Variants in PTPRD observed in about 807,000 individuals in gnomAD.
The protein encoded by PTPRD is receptor-type tyrosine-protein phosphatase delta.
In PTPRD, 34 loss-of-function variants were observed where a neutral mutation model predicts 214.5. That is an observed-to-expected ratio of 0.16 (90% CI 0.12 to 0.21). PTPRD has a LOEUF of 0.21. Among genes scored for constraint, PTPRD ranks in the 10% least tolerant of loss-of-function variants. The probability of loss-of-function intolerance (pLI) is 1.00; values close to 1 mark genes in which losing one functional copy is unlikely to be tolerated. For missense variants in PTPRD, 2,545 were observed against 2,398.7 expected, an observed-to-expected ratio of 1.06 and a Z score of -1.27; for synonymous variants, 1,128 against 845.7, an observed-to-expected ratio of 1.33 and a Z score of -5.79.
chr9:9,085,212 C>T (rs999772160), intron 10 of PTPRD, among the ~76,000 whole-genome samples: 2 of 152,028 alleles, frequency 1.3e-5, no homozygotes, highest in Admixed American at 6.6e-5. Flanking sequence ...AAGATCAAGA[C>T]TGAAAAGAAA....
At chr9:10,205,795 T>TA (rs1230651611) in intron 3 of PTPRD, among the ~76,000 whole-genome samples, 3 of 152,204 alleles carry the variant, frequency 2.0e-5, no homozygotes, top group Non-Finnish European at 4.4e-5. Flanking sequence ...TCAACTATTT[T>TA]ATAATAATTT....
At chr9:10,398,491 T>C (rs2098214513) in intron 2 of PTPRD, among the ~76,000 whole-genome samples, 1 of 151,952 alleles carries the variant, frequency 6.6e-6, no homozygotes. Context: ...TGCTAATCTT[T>C]CTAGTGAATT....
Position 10,567,566 on chromosome 9 carries a change from T to G in PTPRD, c.-600+44832A>C, listed in dbSNP as rs538065477. Among the ~76,000 whole-genome samples, 8 of 152,212 alleles carry G rather than the reference T, an allele frequency of 5.3e-5. No homozygotes were observed. The East Asian group carries it at 9.6e-4, about 18-fold the overall frequency. On this transcript the variant is annotated intron_variant, in intron 2 of 45. Coordinates refer to ENST00000381196, the MANE Select transcript of PTPRD (RefSeq NM_002839.4). ...GGGTGCTTATAGCCCTACCCTTTTG[T>G]TTTTCCTTGATATCCATGAGTTGGT...
rs187368632 is a variant in PTPRD at position 8,456,867 on chromosome 9, T to C, written c.3875+3544A>G. On this transcript the variant is annotated intron_variant, in intron 33 of 45. Coordinates refer to ENST00000381196, the MANE Select transcript of PTPRD (RefSeq NM_002839.4). ...CTGATCTACACTTTCTTTGATTCCA[T>C]AGTATGTAATAAACACTTTTTATCC... Among the ~76,000 whole-genome samples the C allele has an allele frequency of 1.8e-3, 273 of 152,284 alleles. 1 individual carries two copies. Among genetic ancestry groups the C allele is most frequent in the African/African-American group, 6.4e-3 (268 of 41,572 alleles).
rs2139077055 is a variant in PTPRD, at chr9:8,523,534, G to A, written c.680-10C>T. ...CAACCTTCTCGCAGCTCTGAGGGAT[G>A]TAGGGGGTTTGATGCAGAACACAAT... On this transcript the variant is annotated splice_polypyrimidine_tract_variant and intron_variant, in intron 18 of 45. Transcript: ENST00000381196. The A allele has an allele frequency of 1.9e-6, 3 of 1,613,216 alleles. No homozygotes were observed. Among genetic ancestry groups the A allele is most frequent in the Non-Finnish European group, 2.5e-6 (3 of 1,179,464 alleles).
chr9:8,571,990 C>A (rs916200255), intron 14 of PTPRD, among the ~76,000 whole-genome samples: 8 of 151,944 alleles, frequency 5.3e-5, no homozygotes, highest in Admixed American at 2.6e-4. Flanking sequence ...TTGGTGGATG[C>A]GGAAGTAATG....
intron 12 of PTPRD, among the ~76,000 whole-genome samples, chr9:8,691,703 G>C (rs1346017800): frequency 6.6e-6 from 1 of 152,172 alleles, no homozygotes; most frequent in African/African-American, 2.4e-5. Flanking sequence ...TTTTACCTCA[G>C]TACTTGCCAG....
At chr9:10,269,518 T>A (rs933210482) in intron 3 of PTPRD, among the ~76,000 whole-genome samples, 1 of 152,188 alleles carries the variant, frequency 6.6e-6, no homozygotes, top group African/African-American at 2.4e-5. Flanking sequence ...ACCCTTTGAT[T>A]TCTAAGAAAA....
At chr9:9,766,215 A>G (rs1432042793) in intron 6 of PTPRD, among the ~76,000 whole-genome samples, 3 of 152,098 alleles carry the variant, frequency 2.0e-5, no homozygotes, top group African/African-American at 7.2e-5. Flanking sequence ...TCTTTTCAAT[A>G]ATCTTTAATA....
intron 14 of PTPRD, among the ~76,000 whole-genome samples, chr9:8,575,707 A>G (rs2092244133): frequency 6.6e-6 from 1 of 152,218 alleles, no homozygotes. Flanking sequence ...AGAATAATTC[A>G]GAAAGGAAAA....
chr9:9,246,650 C>A (rs917949400), intron 9 of PTPRD, among the ~76,000 whole-genome samples: 15 of 152,110 alleles, frequency 9.9e-5, no homozygotes, highest in African/African-American at 3.6e-4. Context: ...TATGTAACTG[C>A]TCACACCATA....
At chr9:9,547,577 T>C (rs1194880263) in intron 8 of PTPRD, among the ~76,000 whole-genome samples, 1 of 151,974 alleles carries the variant, frequency 6.6e-6, no homozygotes, top group Admixed American at 6.6e-5. Flanking sequence ...CTGACACTCA[T>C]AGTAAAGGCT....
At chr9:10,228,771 T>C (rs368476151) in intron 3 of PTPRD, among the ~76,000 whole-genome samples, 6 of 149,448 alleles carry the variant, frequency 4.0e-5, no homozygotes, top group East Asian at 3.9e-4. Context: ...CATATATGTA[T>C]AAATATGTGA....
At chr9:8,893,286 T>C (rs1439638789) in intron 11 of PTPRD, among the ~76,000 whole-genome samples, 3 of 152,168 alleles carry the variant, frequency 2.0e-5, no homozygotes, top group African/African-American at 7.2e-5. Flanking sequence ...TAGCATTGTA[T>C]TGGGCAGCAG....
chr9:9,524,876 G>C (rs898208602), intron 8 of PTPRD, among the ~76,000 whole-genome samples: 23 of 151,696 alleles, frequency 1.5e-4, no homozygotes, highest in Non-Finnish European at 1.2e-4. Context: ...TTTGTTTGTT[G>C]AGACGGAGTC....
chr9:9,253,741 C>G (rs1371870630), intron 9 of PTPRD, among the ~76,000 whole-genome samples: 1 of 152,124 alleles, frequency 6.6e-6, no homozygotes, highest in East Asian at 1.9e-4. Flanking sequence ...TTGAGCTTCA[C>G]TGATTGCTTG....
chr9:10,317,563 T>A (rs2096465420), intron 3 of PTPRD, among the ~76,000 whole-genome samples: 1 of 152,030 alleles, frequency 6.6e-6, no homozygotes, highest in South Asian at 2.1e-4. Flanking sequence ...GATCTTCAAC[T>A]GCAACTAAAC....
intron 8 of PTPRD, among the ~76,000 whole-genome samples, chr9:9,435,766 T>C (rs1057272813): frequency 2.0e-5 from 3 of 152,172 alleles, no homozygotes; most frequent in African/African-American, 7.2e-5. Flanking sequence ...TGTAATGTCT[T>C]AGTAAGCTTT....
At position 8,315,233 on chromosome 9, in the gene PTPRD, T is replaced by TAAGA. The variant is rs1332218066; in HGVS notation, c.*2637_*2640dup. On this transcript the variant is annotated 3_prime_UTR_variant, in exon 46 of 46. Coordinates refer to ENST00000381196, the MANE Select transcript of PTPRD (RefSeq NM_002839.4). ...AGTTCTAGGAACAGCTCCTGAACAGTAAGATTCCCGCAATAGTCTCCGCCT... is the reference window on the plus strand; with the variant it reads ...AGTTCTAGGAACAGCTCCTGAACAGTAAGAAAGATTCCCGCAATAGTCTCCGCCT... The TAAGA allele has an allele frequency of 2.1e-5, 5 of 232,606 alleles. No homozygotes were observed. The highest frequency in any genetic ancestry group is 1.8e-4 in the South Asian group (1 of 5,524). 14.4% of individuals were successfully genotyped at this position (232,606 alleles called of 1,614,324 possible).
Sources: gnomAD v4.1 joint callset for allele counts (sites outside exome capture counted in the v4.1 genomes callset) on GRCh38, gnomAD v4.1.1 for gene constraint, MANE v1.5 for transcripts, NCBI Gene and HGNC (gene_info 2026-07-23, HGNC 2026-07-21) for gene names.